Variants in TLN2 observed in about 807,000 individuals in gnomAD.
The protein encoded by TLN2 is talin 2, also known as talin-2.
Under a neutral mutation model 294.7 loss-of-function variants are expected in TLN2, and 118 were observed. The ratio of observed to expected loss-of-function variants is 0.40; its 90% confidence interval spans 0.34 to 0.47. TLN2 has a LOEUF of 0.47. Ranked by LOEUF, TLN2 falls within the 20% of genes least tolerant of loss-of-function variation. TLN2 has a pLI of 0.84. For synonymous variants in TLN2, 1,431 were observed against 1,304.5 expected, an observed-to-expected ratio of 1.10 and a Z score of -2.09; for missense variants, 3,083 against 3,282.2, an observed-to-expected ratio of 0.94 and a Z score of 1.48.
intron 17 of TLN2, among the ~76,000 whole-genome samples, chr15:62,701,581 A>G (rs1567396440): frequency 6.6e-6 from 1 of 152,168 alleles, no homozygotes; most frequent in Admixed American, 6.5e-5. Flanking sequence ...GCCTTTGCCC[A>G]TGTTGTCCAG....
At chr15:62,572,078 C>CTG (rs1277611302) in intron 1 of TLN2, among the ~76,000 whole-genome samples, 1 of 152,102 alleles carries the variant, frequency 6.6e-6, no homozygotes, top group African/African-American at 2.4e-5. Flanking sequence ...ACCTGCTTTT[C>CTG]CTCTAATTCC....
intron 8 of TLN2, among the ~76,000 whole-genome samples, chr15:62,657,155 G>GC (rs994970402): frequency 3.6e-4 from 54 of 151,488 alleles, no homozygotes; most frequent in East Asian, 7.8e-4. Context: ...TGAAAAGGTG[G>GC]GGGGGGGAAG....
intron 3 of TLN2, among the ~76,000 whole-genome samples, chr15:62,639,310 C>T (rs2050737187): frequency 6.6e-6 from 1 of 152,056 alleles, no homozygotes; most frequent in Non-Finnish European, 1.5e-5. Context: ...ACTGTGGTGG[C>T]CCTGCCGTTT....
chr15:62,774,885 G>C (rs780558463), intron 42 of TLN2, among the ~76,000 whole-genome samples: 6 of 151,780 alleles, frequency 4.0e-5, no homozygotes, highest in Non-Finnish European at 8.8e-5. Flanking sequence ...ACAGATCCTT[G>C]GCAAGCGGTG....
rs558571780 is a variant in TLN2, at chr15:62,625,070, T to C, written c.-37+6595T>C. 2.6e-4 allele frequency among the ~76,000 whole-genome samples: 40 copies of C among 152,308 alleles called. No individual in the cohort carries two copies. In the South Asian group the frequency reaches 7.7e-3, roughly 29 times the overall value. On this transcript the variant is annotated intron_variant, in intron 3 of 58. Coordinates refer to ENST00000636159, the MANE Select transcript of TLN2 (RefSeq NM_015059.3). ...CTGGAGGATTCAGGGGTGTGTGTTA[T>C]TGTGCTGGAAGTCAAGGCTGATGTG...
At chr15:62,594,482 A>G (rs2046323650) in intron 2 of TLN2, among the ~76,000 whole-genome samples, 1 of 152,188 alleles carries the variant, frequency 6.6e-6, no homozygotes, top group Non-Finnish European at 1.5e-5. Flanking sequence ...TGCTGGGATT[A>G]CAGACGTAGC....
At chr15:62,651,423 G>A (rs2052573558) in intron 5 of TLN2, among the ~76,000 whole-genome samples, 1 of 152,098 alleles carries the variant, frequency 6.6e-6, no homozygotes, top group Non-Finnish European at 1.5e-5. Flanking sequence ...TTTCAACATT[G>A]TGCCGTGTTT....
In TLN2 at chr15:62,736,108, C is replaced by T. The variant is rs561722355; in HGVS notation, c.3359-770C>T. On this transcript the variant is annotated intron_variant, in intron 28 of 58. Coordinates refer to ENST00000636159, the MANE Select transcript of TLN2 (RefSeq NM_015059.3). ...TGGGCAGATCATGAGGTCAGGAGAT[C>T]GAGACCATCCTGGCTAACACAGTGA... 3.9e-5 allele frequency among the ~76,000 whole-genome samples: 6 copies of T among 152,058 alleles called. No individual in the cohort carries two copies. The Middle Eastern group carries it at 0.01, about 259-fold the overall frequency.
rs573449937 is a variant in TLN2 at position 62,716,224 on chromosome 15, C to T, written c.2635-107C>T. On this transcript the variant is annotated intron_variant, in intron 22 of 58. Coordinates refer to ENST00000636159, the MANE Select transcript of TLN2 (RefSeq NM_015059.3). ...TAAAGATATTGCTTGTGGCATTTGA[C>T]TATCCTTGCAAATGCTTTCTATTAC... The T allele has an allele frequency of 1.0e-4, 126 of 1,252,426 alleles. 2 individuals carry two copies. In the South Asian group the frequency reaches 2.8e-3, roughly 28 times the overall value. 77.6% of individuals were successfully genotyped at this position (1,252,426 alleles called of 1,614,324 possible).
chr15:62,744,263 C>T (rs2061489615), intron 32 of TLN2, among the ~76,000 whole-genome samples: 1 of 152,212 alleles, frequency 6.6e-6, no homozygotes, highest in Non-Finnish European at 1.5e-5. Context: ...CCATCATGCC[C>T]TGCCGGGTGT....
intron 11 of TLN2, among the ~76,000 whole-genome samples, chr15:62,681,482 ATTTTC>A (rs2141027762): frequency 6.6e-6 from 1 of 152,170 alleles, no homozygotes; most frequent in Admixed American, 6.5e-5. Context: ...CTTACATCAT[ATTTTC>A]TTTTATGTCT....
intron 1 of TLN2, among the ~76,000 whole-genome samples, chr15:62,441,296 A>G (rs1413788282): frequency 6.6e-6 from 1 of 152,194 alleles, no homozygotes. Flanking sequence ...CAGTGGCACA[A>G]TCATAGCTCA....
Position 62,636,122 on chromosome 15 carries a change from T to TA in TLN2, c.-36-11148dup, listed in dbSNP as rs200302182. On this transcript the variant is annotated intron_variant, in intron 3 of 58. Transcript: ENST00000636159. ...GCTGCTACTATATACTTAAAATTTT[T>TA]AAAAATATATGTATGTATTAGTTTT... 8.7e-3 allele frequency among the ~76,000 whole-genome samples: 1,331 copies of TA among 152,274 alleles called. 25 individuals carry two copies. The highest frequency in any genetic ancestry group is 0.03 in the African/African-American group (1,258 of 41,530).
intron 1 of TLN2, among the ~76,000 whole-genome samples, chr15:62,415,850 G>A (rs1012916627): frequency 2.0e-5 from 3 of 152,220 alleles, no homozygotes; most frequent in African/African-American, 4.8e-5. Flanking sequence ...GTTGTGGGGG[G>A]TAGCCCTCCA....
intron 1 of TLN2, among the ~76,000 whole-genome samples, chr15:62,534,246 A>G (rs1037344588): frequency 4.6e-5 from 7 of 152,106 alleles, no homozygotes; most frequent in Non-Finnish European, 1.0e-4. Context: ...GACACTACCT[A>G]AAGATAGTGT....
rs776630915 is a variant in TLN2, at chr15:62,738,350, T to C, written c.3687+17T>C. ...GTGGATTCGGTGAGAGGTTCTTAGA[T>C]TGAGAAAGGACACTGGGGGACTAGG... On this transcript the variant is annotated intron_variant, in intron 30 of 58. Transcript: ENST00000636159. The C allele has an allele frequency of 6.8e-6, 11 of 1,613,384 alleles. No individual in the cohort carries two copies. The South Asian group carries it at 1.2e-4, about 18-fold the overall frequency.
intron 3 of TLN2, among the ~76,000 whole-genome samples, chr15:62,634,649 T>C (rs2050214522): frequency 6.6e-6 from 1 of 152,256 alleles, no homozygotes; most frequent in African/African-American, 2.4e-5. Context: ...CATAACTGAC[T>C]GATGAAATTG....
intron 43 of TLN2, 55 bp downstream of exon 43, chr15:62,776,965 C>T (rs767069307): frequency 3.1e-5 from 42 of 1,365,474 alleles, no homozygotes; most frequent in Non-Finnish European, 3.6e-5. Context: ...CCATGGGCCT[C>T]GCGTGCTTTT....
rs746776895 is a variant in TLN2, at chr15:62,783,877, C to T, written c.5723C>T (p.Ala1908Val). ...AFQGQMAAATAEPEEIGFQIR... is the reference protein window; with the variant it reads ...AFQGQMAAATVEPEEIGFQIR... ...CAGGGCCAGATGGCAGCAGCCACGG[C>T]GGAACCAGAGGAGGTCTGCCACCTT... Residue 1908 changes from alanine to valine, a missense_variant, in exon 45 of 59, where the codon GCG becomes GTG. Ala to Val is a moderately conservative substitution (Grantham distance 64). Transcript: ENST00000636159. 1.1e-5 allele frequency: 17 copies of T among 1,613,848 alleles called. No homozygotes were observed. Among genetic ancestry groups the T allele is most frequent in the East Asian group, 4.5e-5 (2 of 44,880 alleles).
Sources: gnomAD v4.1 joint callset for allele counts (sites outside exome capture counted in the v4.1 genomes callset) on GRCh38, gnomAD v4.1.1 for gene constraint, MANE v1.5 for transcripts, NCBI Gene and HGNC (gene_info 2026-07-23, HGNC 2026-07-21) for gene names.